The following ACBD3 variants were observed in gnomAD, a reference collection of about 807,000 sequenced individuals.
ACBD3 encodes acyl-CoA binding domain containing 3.
Under a neutral mutation model 66.9 loss-of-function variants are expected in ACBD3, and 30 were observed. The ratio of observed to expected loss-of-function variants is 0.45; its 90% confidence interval spans 0.34 to 0.61. ACBD3 has a LOEUF of 0.61. ACBD3 is among the 20% of genes least tolerant of loss of function. The pLI, the probability that ACBD3 is intolerant of heterozygous loss-of-function variation, is 0.02. For missense variants in ACBD3, 544 were observed against 664.5 expected, an observed-to-expected ratio of 0.82 and a Z score of 1.99; for synonymous variants, 278 against 259.8, an observed-to-expected ratio of 1.07 and a Z score of -0.68.
At chr1:226,179,904 A>C (rs957938678) in intron 1 of ACBD3, among the ~76,000 whole-genome samples, 4 of 150,824 alleles carry the variant, frequency 2.7e-5, no homozygotes, top group African/African-American at 9.8e-5. Flanking sequence ...TAGGTGCAGC[A>C]GCTCACGCCT....
chr1:226,178,421 A>T (rs1656096267), intron 1 of ACBD3, among the ~76,000 whole-genome samples: 1 of 151,866 alleles, frequency 6.6e-6, no homozygotes. Context: ...GTACAAAAAA[A>T]AAAATTAGCC....
intron 7 of ACBD3, among the ~76,000 whole-genome samples, chr1:226,150,937 A>G (rs538753176): frequency 2.2e-4 from 34 of 152,378 alleles, no homozygotes; most frequent in Non-Finnish European, 3.8e-4. Context: ...GTTCATGTAG[A>G]TAATGATACG....
chr1:226,152,762 A>C (rs1659602508), intron 6 of ACBD3, 143 bp from the exon 7 acceptor site: 1 of 792,106 alleles, frequency 1.3e-6, no homozygotes, highest in Non-Finnish European at 2.0e-6. Flanking sequence ...TGGAGGAATA[A>C]AAAAGCCTCC....
At chr1:226,186,179 C>A (rs1355085272) in intron 1 of ACBD3, among the ~76,000 whole-genome samples, 2 of 152,214 alleles carry the variant, frequency 1.3e-5, no homozygotes, top group African/African-American at 4.8e-5. Flanking sequence ...ACTGCTAAAC[C>A]AAGGTTGCAG....
At chr1:226,166,628 G>A (rs565684533) in intron 1 of ACBD3, among the ~76,000 whole-genome samples, 1 of 151,690 alleles carries the variant, frequency 6.6e-6, no homozygotes, top group East Asian at 1.9e-4. Flanking sequence ...TGGGACTACA[G>A]GAGTATGCGC....
chr1:226,180,126 G>A (rs1656138580), intron 1 of ACBD3, among the ~76,000 whole-genome samples: 1 of 150,774 alleles, frequency 6.6e-6, no homozygotes, highest in African/African-American at 2.4e-5. Context: ...AGCCAAGACT[G>A]GGCCATTCCA....
intron 1 of ACBD3, among the ~76,000 whole-genome samples, chr1:226,176,820 A>C (rs530201066): frequency 6.6e-6 from 1 of 152,356 alleles, no homozygotes; most frequent in East Asian, 1.9e-4. Context: ...TATAAGGCTA[A>C]TTATAAAGTT....
chr1:226,156,991 C>T (rs536021887), intron 5 of ACBD3, among the ~76,000 whole-genome samples: 9 of 152,140 alleles, frequency 5.9e-5, no homozygotes, highest in Non-Finnish European at 1.3e-4. Flanking sequence ...TGATATATTT[C>T]CATACTCTCT....
At chr1:226,186,254 G>A (rs1461095030) in intron 1 of ACBD3, 136 bp downstream of exon 1, 6 of 1,177,514 alleles carry the variant, frequency 5.1e-6, no homozygotes, top group South Asian at 2.3e-5. Context: ...CCCCAAGGAG[G>A]GAACCCCGCT....
At chr1:226,160,391 G>GC (rs1345267263) in intron 4 of ACBD3, among the ~76,000 whole-genome samples, 1 of 152,042 alleles carries the variant, frequency 6.6e-6, no homozygotes, top group Non-Finnish European at 1.5e-5. Context: ...ACCACAGCCA[G>GC]CAACCACATG....
chr1:226,150,569 G>A (rs930643033), intron 7 of ACBD3, among the ~76,000 whole-genome samples: 5 of 152,114 alleles, frequency 3.3e-5, no homozygotes, highest in Non-Finnish European at 7.4e-5. Flanking sequence ...AGTAGAGACA[G>A]GGCTTCACCA....
chr1:226,178,099 G>T (rs954462786), intron 1 of ACBD3, among the ~76,000 whole-genome samples: 1 of 151,998 alleles, frequency 6.6e-6, no homozygotes, highest in African/African-American at 2.4e-5. Flanking sequence ...AAACTAACAT[G>T]ATATACAAAA....
At chr1:226,168,563 T>C (rs766092148) in intron 1 of ACBD3, among the ~76,000 whole-genome samples, 1 of 152,240 alleles carries the variant, frequency 6.6e-6, no homozygotes, top group Non-Finnish European at 1.5e-5. Flanking sequence ...AAAGGACAGA[T>C]TGTTTATATG....
intron 5 of ACBD3, among the ~76,000 whole-genome samples, chr1:226,156,836 A>G (rs547428850): frequency 1.3e-5 from 2 of 152,220 alleles, no homozygotes; most frequent in African/African-American, 2.4e-5. Context: ...CAGGAAAGCA[A>G]AAGAGCATTT....
At chr1:226,171,204 G>A (rs969238472) in intron 1 of ACBD3, among the ~76,000 whole-genome samples, 2 of 151,970 alleles carry the variant, frequency 1.3e-5, no homozygotes, top group African/African-American at 4.8e-5. Context: ...CTGGAGTGTG[G>A]TGGCACAATC....
rs1558123532 is a variant in ACBD3 at position 226,152,345 on chromosome 1, CTCG to C, written c.1362_1364del (p.Asp454del). The stretch of plus-strand genomic sequence containing the variant: ...GACCAAGGGTTCTACCTTCTTCCTC[CTCG>C]TCGTCATCGCTGGACTCACTGACAT... On this transcript the variant is annotated inframe_deletion, in exon 7 of 8. Transcript: ENST00000366812. 2 of 1,614,058 alleles carry C rather than the reference CTCG, an allele frequency of 1.2e-6. No individual in the cohort carries two copies. Among genetic ancestry groups the C allele is most frequent in the South Asian group, 2.2e-5 (2 of 91,072 alleles).
At chr1:226,167,339 A>G (rs1311275558) in intron 1 of ACBD3, among the ~76,000 whole-genome samples, 3 of 152,182 alleles carry the variant, frequency 2.0e-5, no homozygotes, top group Admixed American at 2.0e-4. Flanking sequence ...CTATGTGACT[A>G]TTTAACCTCT....
chr1:226,177,229 T>C (rs1230161330), intron 1 of ACBD3, among the ~76,000 whole-genome samples: 1 of 148,448 alleles, frequency 6.7e-6, no homozygotes, highest in African/African-American at 2.5e-5. Flanking sequence ...CGGGTTCAAG[T>C]GGTCCCAGTT....
chr1:226,184,687 TA>T (rs1656253952), intron 1 of ACBD3, among the ~76,000 whole-genome samples: 6 of 152,310 alleles, frequency 3.9e-5, no homozygotes, highest in African/African-American at 1.4e-4. Context: ...TACTACACGT[TA>T]CAGTGTTTTA....
Sources: allele counts gnomAD v4.1 joint callset (sites outside exome capture counted in the v4.1 genomes callset), GRCh38; gene constraint gnomAD v4.1.1; transcripts MANE v1.5; gene names NCBI Gene and HGNC (gene_info 2026-07-23, HGNC 2026-07-21).